ARFGEF1: variants seen among roughly 807,000 people sequenced by gnomAD.
ARFGEF1 encodes the protein brefeldin A-inhibited guanine nucleotide-exchange protein 1.
ARFGEF1 carries 42 observed loss-of-function variants against 231.0 expected under a neutral mutation model. The ratio of observed to expected loss-of-function variants is 0.18; its 90% confidence interval spans 0.14 to 0.24. ARFGEF1 has a LOEUF of 0.24. Among genes scored for constraint, ARFGEF1 ranks in the 10% least tolerant of loss-of-function variants. The probability of loss-of-function intolerance (pLI) is 1.00; values close to 1 mark genes in which losing one functional copy is unlikely to be tolerated. For synonymous variants in ARFGEF1, 710 were observed against 732.3 expected, an observed-to-expected ratio of 0.97 and a Z score of 0.49; for missense variants, 1,345 against 2,192.0, an observed-to-expected ratio of 0.61 and a Z score of 7.72.
intron 18 of ARFGEF1, among the ~76,000 whole-genome samples, chr8:67,251,707 G>A (rs948708460): frequency 2.6e-5 from 4 of 152,152 alleles, no homozygotes; most frequent in Non-Finnish European, 4.4e-5. Context: ...GATGAGTTTG[G>A]AGTTTCATTT....
chr8:67,192,793 C>T (rs944123209), downstream of ARFGEF1, among the ~76,000 whole-genome samples: 2 of 151,528 alleles, frequency 1.3e-5, no homozygotes, highest in South Asian at 2.1e-4. Context: ...TTGTTAACTC[C>T]GTCCATAAAC....
intron 29 of ARFGEF1, among the ~76,000 whole-genome samples, chr8:67,223,028 T>C (rs1465208538): frequency 1.3e-5 from 2 of 152,232 alleles, no homozygotes; most frequent in Non-Finnish European, 2.9e-5. Context: ...GTTCACACAA[T>C]GCTGAAATTG....
At chr8:67,324,711 T>G (rs1484668821) in intron 1 of ARFGEF1, among the ~76,000 whole-genome samples, 1 of 152,216 alleles carries the variant, frequency 6.6e-6, no homozygotes, top group East Asian at 1.9e-4. Flanking sequence ...AGGAACCACA[T>G]ATGTGTTCCC....
intron 19 of ARFGEF1, among the ~76,000 whole-genome samples, chr8:67,244,165 C>A (rs1840019972): frequency 6.9e-6 from 1 of 145,524 alleles, no homozygotes; most frequent in African/African-American, 2.5e-5. Flanking sequence ...ATTGCTTGAA[C>A]CTGGGAGGCG....
intron 29 of ARFGEF1, among the ~76,000 whole-genome samples, chr8:67,221,317 T>C (rs537082342): frequency 3.3e-5 from 5 of 152,310 alleles, no homozygotes; most frequent in African/African-American, 7.2e-5. Context: ...ATTGTTATCA[T>C]AGGAGATGAC....
At chr8:67,301,169 T>C in intron 3 of ARFGEF1, 55 bp downstream of exon 3, 1 of 1,466,314 alleles carries the variant, frequency 6.8e-7, no homozygotes, top group Non-Finnish European at 9.1e-7. Context: ...GTGAGTAATG[T>C]TTTAGAAACA....
rs562241897 is a variant in ARFGEF1, at chr8:67,227,347, G to A, written c.3744-38C>T. ...ATATAATTGCTTGGATATGCAAACCGATAAAACTCATCAGTTTTTCCCCCT... is the reference window on the plus strand; with the variant it reads ...ATATAATTGCTTGGATATGCAAACCAATAAAACTCATCAGTTTTTCCCCCT... On this transcript the variant is annotated intron_variant, in intron 26 of 38. Coordinates refer to ENST00000262215, the MANE Select transcript of ARFGEF1 (RefSeq NM_006421.5). 61 of 1,600,282 alleles carry A rather than the reference G, an allele frequency of 3.8e-5. 1 individual carries two copies. Among genetic ancestry groups the A allele is most frequent in the Middle Eastern group, 1.7e-4 (1 of 5,986 alleles).
At chr8:67,174,623 G>T (rs1831171556), downstream of ARFGEF1, 1 of 152,202 alleles carries the variant, frequency 6.6e-6, no homozygotes, top group African/African-American at 2.4e-5. Context: ...AAATTAGCCG[G>T]GCATAGTGGT....
chr8:67,217,723 C>G, intron 32 of ARFGEF1, 59 bp downstream of exon 32: 1 of 1,540,502 alleles, frequency 6.5e-7, no homozygotes, highest in Non-Finnish European at 8.9e-7. Flanking sequence ...AATCACTAGT[C>G]ACTCTCCAAC....
intron 19 of ARFGEF1, among the ~76,000 whole-genome samples, chr8:67,250,263 G>A (rs1227944675): frequency 1.3e-5 from 2 of 152,186 alleles, no homozygotes; most frequent in East Asian, 1.9e-4. Context: ...GGTAAGAGGA[G>A]TGAAAAAGTA....
chr8:67,268,406 C>T (rs1804936190), intron 10 of ARFGEF1, among the ~76,000 whole-genome samples: 1 of 152,160 alleles, frequency 6.6e-6, no homozygotes, highest in Non-Finnish European at 1.5e-5. Flanking sequence ...AAAACTGCAT[C>T]AAAGTACCCC....
At chr8:67,232,706 C>A in intron 23 of ARFGEF1, 149 bp downstream of exon 23, 2 of 566,098 alleles carry the variant, frequency 3.5e-6, no homozygotes, top group Non-Finnish European at 5.7e-6. Context: ...ATAGGTACTT[C>A]ATCATCTAAA....
chr8:67,343,145 G>T lies in ARFGEF1; in HGVS notation c.124+19C>A. ...CCCCACAACAAGCACCCCATCCCCC[G>T]GGCCTCCTCCCCGCTCACCTAACGC... On this transcript the variant is annotated intron_variant, in intron 1 of 38. Coordinates refer to ENST00000262215, the MANE Select transcript of ARFGEF1 (RefSeq NM_006421.5). 5.5e-6 allele frequency: 2 copies of T among 363,930 alleles called. No homozygotes were observed. The highest frequency in any genetic ancestry group is 1.3e-4 in the East Asian group (1 of 7,946). 22.5% of individuals were successfully genotyped at this position (363,930 alleles called of 1,614,324 possible).
chr8:67,188,878 C>T (rs1835416794), intron 5 of ARFGEF1, among the ~76,000 whole-genome samples: 1 of 152,192 alleles, frequency 6.6e-6, no homozygotes, highest in South Asian at 2.1e-4. Context: ...CTGTGACCCA[C>T]GGCTTCTAAT....
chr8:67,196,298 T>C (rs1179496309), downstream of ARFGEF1: 1 of 152,176 alleles, frequency 6.6e-6, no homozygotes, highest in Non-Finnish European at 1.5e-5. Flanking sequence ...CTAGACTAGT[T>C]TTCTAGAGGT....
chr8:67,273,037 G>A (rs998365095), intron 9 of ARFGEF1, among the ~76,000 whole-genome samples: 3 of 152,084 alleles, frequency 2.0e-5, no homozygotes, highest in African/African-American at 7.2e-5. Flanking sequence ...AACCTGGGAG[G>A]TGGAGGTTGC....
At chr8:67,201,968 G>A (rs759730972) in intron 36 of ARFGEF1, 28 of 254,710 alleles carry the variant, frequency 1.1e-4, no homozygotes, top group African/African-American at 3.3e-4. Flanking sequence ...TGATGGGTCC[G>A]GTGTGTGTGG....
chr8:67,222,866 G>A (rs1389990037), intron 29 of ARFGEF1, among the ~76,000 whole-genome samples: 2 of 152,168 alleles, frequency 1.3e-5, no homozygotes, highest in Admixed American at 6.5e-5. Context: ...GATTACAGGC[G>A]TGAGCCACTG....
intron 34 of ARFGEF1, among the ~76,000 whole-genome samples, chr8:67,206,324 G>A (rs1252671015): frequency 2.0e-5 from 3 of 150,832 alleles, no homozygotes; most frequent in Non-Finnish European, 1.5e-5. Flanking sequence ...GCAGAAGAAT[G>A]GCTTGATCCC....
Sources: allele counts gnomAD v4.1 joint callset (sites outside exome capture counted in the v4.1 genomes callset), GRCh38; gene constraint gnomAD v4.1.1; transcripts MANE v1.5; gene names NCBI Gene and HGNC (gene_info 2026-07-23, HGNC 2026-07-21).